The following ARID2 variants were observed in gnomAD, a reference collection of about 807,000 sequenced individuals.
ARID2 encodes the protein AT-rich interaction domain 2.
Under a neutral mutation model 184.6 loss-of-function variants are expected in ARID2, and 32 were observed. The observed-to-expected ratio is 0.17, with a 90% CI of 0.13 to 0.23. ARID2 has a LOEUF of 0.23. ARID2 is among the 10% of genes least tolerant of loss of function. The pLI is 1.00. For synonymous variants in ARID2, 836 were observed against 772.6 expected, an observed-to-expected ratio of 1.08 and a Z score of -1.36; for missense variants, 1,696 against 2,197.6, an observed-to-expected ratio of 0.77 and a Z score of 4.56.
At chr12:45,749,626 A>C (rs975450385) in intron 3 of ARID2, among the ~76,000 whole-genome samples, 2 of 152,208 alleles carry the variant, frequency 1.3e-5, no homozygotes, top group Non-Finnish European at 2.9e-5. Context: ...TTTTTCATCT[A>C]TGTTGAAAAT....
chr12:45,761,479 T>G (rs1941677228), intron 3 of ARID2, among the ~76,000 whole-genome samples: 1 of 152,194 alleles, frequency 6.6e-6, no homozygotes, highest in African/African-American at 2.4e-5. Context: ...ATAATTTACC[T>G]TGATTTAAAA....
chr12:45,873,402 C>T (rs1943956668), intron 16 of ARID2, among the ~76,000 whole-genome samples: 1 of 152,136 alleles, frequency 6.6e-6, no homozygotes. Flanking sequence ...TGTTCTTTTT[C>T]TGCTGTCCCA....
chr12:45,756,432 A>G (rs1565584329), intron 3 of ARID2, among the ~76,000 whole-genome samples: 1 of 152,198 alleles, frequency 6.6e-6, no homozygotes, highest in Non-Finnish European at 1.5e-5. Context: ...GGACATTTCT[A>G]TATTTTTTCC....
At position 45,872,648 on chromosome 12, in the gene ARID2, C is replaced by G. The variant is rs367620585; in HGVS notation, c.4922+11699C>G. Among the ~76,000 whole-genome samples, 343 of 152,320 alleles carry G rather than the reference C, an allele frequency of 2.3e-3. 12 individuals are homozygous for G. The South Asian group carries it at 0.067, about 30-fold the overall frequency. ...TCGTCAGATCTCGTGAGAACTCACTCACTATCAGGAGAACAGCAGCACGGG... is the reference window on the plus strand; with the variant it reads ...TCGTCAGATCTCGTGAGAACTCACTGACTATCAGGAGAACAGCAGCACGGG... On this transcript the variant is annotated intron_variant, in intron 16 of 20. Coordinates refer to ENST00000334344, the MANE Select transcript of ARID2 (RefSeq NM_152641.4).
chr12:45,804,476 G>C (rs1470841206), intron 3 of ARID2, among the ~76,000 whole-genome samples: 2 of 151,478 alleles, frequency 1.3e-5, no homozygotes, highest in Non-Finnish European at 3.0e-5. Flanking sequence ...TTTCTAGTGT[G>C]TGCGTGTGTG....
intron 20 of ARID2, among the ~76,000 whole-genome samples, chr12:45,894,304 C>T (rs1227775346): frequency 6.6e-6 from 1 of 152,114 alleles, no homozygotes; most frequent in Non-Finnish European, 1.5e-5. Context: ...TCTAGAATTC[C>T]TCCTACATCT....
At position 45,738,368 on chromosome 12, in the gene ARID2, G is replaced by A. The variant is rs145591775; in HGVS notation, c.284+7054G>A. ...TGCTCTCTGTCACTCAGGCTGGAGT[G>A]CAGTGGCATGATCTTGGCTCACTGC... On this transcript the variant is annotated intron_variant, in intron 3 of 20. Transcript: ENST00000334344. Among the ~76,000 whole-genome samples, 3 of 152,274 alleles carry A rather than the reference G, an allele frequency of 2.0e-5. No individual in the cohort carries two copies. In the East Asian group the frequency reaches 5.8e-4, roughly 29 times the overall value.
At position 45,852,351 on chromosome 12, in the gene ARID2, G is replaced by T. The variant is rs776705268; in HGVS notation, c.4228G>T (p.Asp1410Tyr). Reference protein sequence around the residue: ...DITQQDTAKGDQLERISNGPV... With the variant: ...DITQQDTAKGYQLERISNGPV... Reference sequence around the variant, plus strand: ...CACTCAGCAAGATACTGCCAAAGGTGATCAACTAGAAAGAATTTCTAATGG... The same window carrying T: ...CACTCAGCAAGATACTGCCAAAGGTTATCAACTAGAAAGAATTTCTAATGG... Residue 1410 changes from aspartate to tyrosine, a missense_variant, in exon 15 of 21, where the codon GAT (aspartate) becomes TAT (tyrosine). Physicochemically the swap from Asp to Tyr is radical, Grantham distance 160 (BLOSUM62 -3). Coordinates refer to ENST00000334344, the MANE Select transcript of ARID2 (RefSeq NM_152641.4). 1.2e-6 allele frequency: 2 copies of T among 1,614,134 alleles called. No homozygotes were observed. The highest frequency in any genetic ancestry group is 2.2e-5 in the South Asian group (2 of 91,074).
At chr12:45,892,611 A>G (rs2138234037) in intron 18 of ARID2, among the ~76,000 whole-genome samples, 1 of 152,316 alleles carries the variant, frequency 6.6e-6, no homozygotes, top group East Asian at 1.9e-4. Context: ...AAAATATATC[A>G]GAAATACCCC....
At position 45,906,789 on chromosome 12, in the gene ARID2, T is replaced by C. The variant is rs545025551; in HGVS notation, c.*1711T>C. 15 of 232,004 alleles carry C rather than the reference T, an allele frequency of 6.5e-5. No homozygotes were observed. Among genetic ancestry groups the C allele is most frequent in the Admixed American group, 2.3e-4 (4 of 17,748 alleles). The allele number at this position is 232,004 out of a possible 1,614,324, so 14.4% of individuals were successfully genotyped here. On this transcript the variant is annotated 3_prime_UTR_variant, in exon 21 of 21. Coordinates refer to ENST00000334344, the MANE Select transcript of ARID2 (RefSeq NM_152641.4). Reference sequence around the variant, plus strand: ...AGCAAATGTAGAGAACAGCAAATGATTGATGCAGTTAAAGCTCAATATGCC... The same window carrying C: ...AGCAAATGTAGAGAACAGCAAATGACTGATGCAGTTAAAGCTCAATATGCC...
chr12:45,828,314 A>G (rs1170322576), intron 6 of ARID2, among the ~76,000 whole-genome samples: 2 of 151,892 alleles, frequency 1.3e-5, no homozygotes, highest in Non-Finnish European at 2.9e-5. Flanking sequence ...ATTCATTTCT[A>G]TTGTTGTATA....
chr12:45,862,859 A>C (rs1016321315), intron 16 of ARID2, among the ~76,000 whole-genome samples: 21 of 151,342 alleles, frequency 1.4e-4, no homozygotes, highest in African/African-American at 5.1e-4. Flanking sequence ...TTTCTAAACA[A>C]GACAGATTAA....
chr12:45,907,987 C>T lies in ARID2; in HGVS notation c.*2909C>T, dbSNP rs1209755012. ...TCGTCTCATTACTTTATAGTCATGT[C>T]ATGTATGTTTTTTTAACCATGAAAT... On this transcript the variant is annotated 3_prime_UTR_variant, in exon 21 of 21. Transcript: ENST00000334344. 1 of 229,078 alleles carries T rather than the reference C, an allele frequency of 4.4e-6. No homozygotes were observed. Among genetic ancestry groups the T allele is most frequent in the East Asian group, 6.2e-5 (1 of 16,026 alleles). 14.2% of individuals were successfully genotyped at this position (229,078 alleles called of 1,614,324 possible).
chr12:45,856,129 C>T lies in ARID2; in HGVS notation c.4773+3233C>T, dbSNP rs1210844541. Among the ~76,000 whole-genome samples, 5 of 124,772 alleles carry T rather than the reference C, an allele frequency of 4.0e-5. No homozygotes were observed. In the East Asian group the frequency reaches 7.2e-4, roughly 18 times the overall value. 81.9% of individuals were successfully genotyped at this position (124,772 alleles called of 152,430 possible). On this transcript the variant is annotated intron_variant, in intron 15 of 20. Transcript: ENST00000334344. Reference sequence around the variant, plus strand: ...TCGCTCTGTTGCGTAGGCTGGAGTGCGGTGGCATGATGTCAGCTCACTGCA... The same window carrying T: ...TCGCTCTGTTGCGTAGGCTGGAGTGTGGTGGCATGATGTCAGCTCACTGCA...
intron 3 of ARID2, among the ~76,000 whole-genome samples, chr12:45,802,929 A>T (rs1414548840): frequency 6.6e-6 from 1 of 151,928 alleles, no homozygotes; most frequent in Non-Finnish European, 1.5e-5. Context: ...GTCTAATCTT[A>T]CCCCGTAATC....
chr12:45,755,246 G>GT (rs1565583959), intron 3 of ARID2, among the ~76,000 whole-genome samples: 1 of 152,124 alleles, frequency 6.6e-6, no homozygotes, highest in Non-Finnish European at 1.5e-5. Context: ...TTATTTGTTT[G>GT]TTTTTTAGCA....
chr12:45,795,923 C>G (rs1555146705), intron 3 of ARID2, among the ~76,000 whole-genome samples: 1 of 152,104 alleles, frequency 6.6e-6, no homozygotes, highest in Non-Finnish European at 1.5e-5. Flanking sequence ...ACCACATCCC[C>G]TCTCTTTTAT....
intron 3 of ARID2, among the ~76,000 whole-genome samples, chr12:45,770,142 A>G (rs1941841620): frequency 6.6e-6 from 1 of 151,666 alleles, no homozygotes. Context: ...AGTCCCAGCT[A>G]CCCGGGAGGC....
At chr12:45,769,357 A>G (rs1941827309) in intron 3 of ARID2, among the ~76,000 whole-genome samples, 1 of 152,256 alleles carries the variant, frequency 6.6e-6, no homozygotes, top group Non-Finnish European at 1.5e-5. Context: ...AATTATTAAA[A>G]AGAACTAAGT....
Sources: gnomAD v4.1 joint callset for allele counts (sites outside exome capture counted in the v4.1 genomes callset) on GRCh38, gnomAD v4.1.1 for gene constraint, MANE v1.5 for transcripts, NCBI Gene and HGNC (gene_info 2026-07-23, HGNC 2026-07-21) for gene names.